The following CADPS variants were observed in gnomAD, a reference collection of about 807,000 sequenced individuals.
CADPS encodes calcium-dependent secretion activator 1.
In CADPS, 57 loss-of-function variants were observed where a neutral mutation model predicts 167.3. That is an observed-to-expected ratio of 0.34 (90% CI 0.28 to 0.42). The LOEUF (loss-of-function observed/expected upper bound fraction) is 0.42. Ranked by LOEUF, CADPS falls within the 20% of genes least tolerant of loss-of-function variation. The pLI is 1.00. For synonymous variants in CADPS, 676 were observed against 635.3 expected (o/e 1.06, Z -0.96); for missense variants, 1,414 against 1,738.1 (o/e 0.81, Z 3.32).
At chr3:62,567,598 A>G (rs1193449483) in intron 9 of CADPS, among the ~76,000 whole-genome samples, 2 of 61,638 alleles carry the variant, frequency 3.2e-5, no homozygotes, top group African/African-American at 8.7e-5. Flanking sequence ...TTTTTTTTTT[A>G]GAGTCTCACT....
chr3:62,802,296 A>T (rs1246093938), intron 1 of CADPS, among the ~76,000 whole-genome samples: 4 of 152,172 alleles, frequency 2.6e-5, no homozygotes, highest in Non-Finnish European at 5.9e-5. Context: ...AATATTGTCC[A>T]AAAATTCTGC....
intron 28 of CADPS, among the ~76,000 whole-genome samples, chr3:62,427,511 C>T (rs1167556719): frequency 6.6e-6 from 1 of 152,138 alleles, no homozygotes; most frequent in Non-Finnish European, 1.5e-5. Context: ...ACTGTAGGGG[C>T]TGTCCTGTGC....
intron 24 of CADPS, chr3:62,467,321 A>G: frequency 7.9e-7 from 1 of 1,263,742 alleles, no homozygotes; most frequent in Non-Finnish European, 1.0e-6. Flanking sequence ...AACTTTCAGA[A>G]GGATGATTAA....
rs1385184474 is a variant in CADPS, at chr3:62,601,146, C to T, written c.1326-8398G>A. Among the ~76,000 whole-genome samples, 1 of 152,096 alleles carries T rather than the reference C, an allele frequency of 6.6e-6. No individual in the cohort carries two copies. Among genetic ancestry groups the T allele is most frequent in the Non-Finnish European group, 1.5e-5 (1 of 68,016 alleles). ...TGGGTATGGGTCTGCTTATGTATGG[C>T]TCATAAGCTAATAAGGGCTTTGTAT... On this transcript the variant is annotated intron_variant, in intron 6 of 29. Transcript: ENST00000383710. The surrounding 1 kb of genome is among the most constrained non-coding windows in gnomAD (Gnocchi z 4.3).
chr3:62,721,634 A>C (rs2075847358), intron 3 of CADPS, among the ~76,000 whole-genome samples: 1 of 152,218 alleles, frequency 6.6e-6, no homozygotes, highest in South Asian at 2.1e-4. Flanking sequence ...TTTCCAACTT[A>C]GATTCAACAA....
intron 6 of CADPS, among the ~76,000 whole-genome samples, chr3:62,599,780 T>TTATATATAC (rs1553968967): frequency 8.1e-5 from 1 of 12,310 alleles, no homozygotes; most frequent in Non-Finnish European, 1.4e-4. Flanking sequence ...AATATATATA[T>TTATATATAC]TATATATAAT....
intron 6 of CADPS, among the ~76,000 whole-genome samples, chr3:62,644,462 A>C (rs1039184169): frequency 6.6e-6 from 1 of 152,076 alleles, no homozygotes; most frequent in Non-Finnish European, 1.5e-5. Flanking sequence ...ACAGTACCCT[A>C]ACTGACCTCC....
intron 3 of CADPS, among the ~76,000 whole-genome samples, chr3:62,702,117 G>T (rs1418130166): frequency 6.6e-6 from 1 of 152,048 alleles, no homozygotes. Flanking sequence ...CCTCTAGTCT[G>T]CTTTTCCCTT....
intron 9 of CADPS, among the ~76,000 whole-genome samples, chr3:62,565,481 C>G (rs1347011694): frequency 6.6e-6 from 1 of 152,130 alleles, no homozygotes; most frequent in Non-Finnish European, 1.5e-5. Flanking sequence ...TCAGTATCTC[C>G]TGGGGTGCCT....
intron 7 of CADPS, 129 bp from the exon 8 acceptor site, chr3:62,585,453 T>C: frequency 1.2e-6 from 1 of 826,082 alleles, no homozygotes; most frequent in Non-Finnish European, 1.8e-6. Context: ...TACCTGGGGA[T>C]AGAAACACAT....
chr3:62,824,409 T>G (rs1461214836), intron 1 of CADPS, among the ~76,000 whole-genome samples: 5 of 152,148 alleles, frequency 3.3e-5, no homozygotes, highest in Non-Finnish European at 5.9e-5. Flanking sequence ...AAATGTAAGC[T>G]TTATCATCAG....
chr3:62,484,084 AT>A (rs2062438478), intron 21 of CADPS, among the ~76,000 whole-genome samples: 1 of 152,290 alleles, frequency 6.6e-6, no homozygotes, highest in African/African-American at 2.4e-5. Context: ...ATCAAAACAT[AT>A]TGTATTTGTA....
intron 11 of CADPS, among the ~76,000 whole-genome samples, chr3:62,537,480 G>T (rs549976966): frequency 7.2e-5 from 11 of 152,142 alleles, no homozygotes; most frequent in African/African-American, 2.7e-4. Flanking sequence ...TAGAAATGAA[G>T]GTGCTCTCCA....
At chr3:62,826,666 G>A (rs1007166443) in intron 1 of CADPS, among the ~76,000 whole-genome samples, 8 of 151,964 alleles carry the variant, frequency 5.3e-5, no homozygotes, top group African/African-American at 1.9e-4. Flanking sequence ...ATGACACAGG[G>A]GGCTTTCACA....
intron 28 of CADPS, among the ~76,000 whole-genome samples, chr3:62,405,649 C>T (rs983274956): frequency 1.3e-5 from 2 of 152,136 alleles, no homozygotes; most frequent in African/African-American, 4.8e-5. Context: ...GTGCATCACA[C>T]GCAGCCTCCC....
At chr3:62,517,833 A>G (rs1046881466) in intron 14 of CADPS, among the ~76,000 whole-genome samples, 6 of 152,152 alleles carry the variant, frequency 3.9e-5, no homozygotes, top group African/African-American at 1.4e-4. Context: ...TCTGATTCAC[A>G]AGATTTTTTA....
chr3:62,858,328 A>G (rs1203789806), intron 1 of CADPS, among the ~76,000 whole-genome samples: 2 of 152,190 alleles, frequency 1.3e-5, no homozygotes, highest in Non-Finnish European at 2.9e-5. Context: ...AGTACCAATT[A>G]TGATACATGC....
intron 1 of CADPS, among the ~76,000 whole-genome samples, chr3:62,768,439 T>C (rs993507298): frequency 6.6e-6 from 1 of 152,034 alleles, no homozygotes; most frequent in Non-Finnish European, 1.5e-5. Flanking sequence ...TTAATTGAAA[T>C]AAAATTATGC....
At chr3:62,645,235 A>T (rs184276883) in intron 6 of CADPS, among the ~76,000 whole-genome samples, 4 of 152,102 alleles carry the variant, frequency 2.6e-5, no homozygotes, top group Admixed American at 2.6e-4. Flanking sequence ...AACAGACTAC[A>T]AACTGGGTTC....
Sources: gnomAD v4.1 joint callset for allele counts (sites outside exome capture counted in the v4.1 genomes callset) on GRCh38, gnomAD v4.1.1 for gene constraint, Gnocchi (gnomAD v3.1) non-coding constraint, MANE v1.5 for transcripts, NCBI Gene and HGNC (gene_info 2026-07-23, HGNC 2026-07-21) for gene names.